ULK4: variants seen among roughly 807,000 people sequenced by gnomAD.
The protein encoded by ULK4 is unc-51 like kinase 4.
A neutral mutation model predicts 160.6 loss-of-function variants in ULK4; 133 were observed. That is an observed-to-expected ratio of 0.83 (90% CI 0.72 to 0.96). ULK4 has a LOEUF of 0.96. Among genes scored for constraint, ULK4 ranks in the 40% least tolerant of loss-of-function variants. The probability of loss-of-function intolerance (pLI) is 0.00; values close to 1 mark genes in which losing one functional copy is unlikely to be tolerated. For synonymous variants in ULK4, 534 were observed against 539.8 expected, an observed-to-expected ratio of 0.99 and a Z score of 0.15; for missense variants, 1,580 against 1,499.5, an observed-to-expected ratio of 1.05 and a Z score of -0.89.
intron 35 of ULK4, among the ~76,000 whole-genome samples, chr3:41,360,610 T>C (rs747905329): frequency 6.6e-6 from 1 of 152,178 alleles, no homozygotes; most frequent in African/African-American, 2.4e-5. Flanking sequence ...ATCAAGTCCT[T>C]TGCAGGGACA....
intron 32 of ULK4, among the ~76,000 whole-genome samples, chr3:41,558,390 G>C (rs962019200): frequency 1.3e-5 from 2 of 152,042 alleles, no homozygotes; most frequent in African/African-American, 4.8e-5. Context: ...TACCAGCATT[G>C]AAATATAATG....
At chr3:41,917,776 T>C (rs1699019384) in intron 7 of ULK4, among the ~76,000 whole-genome samples, 2 of 151,960 alleles carry the variant, frequency 1.3e-5, no homozygotes. Context: ...CATCAGGAGT[T>C]TGAGACCAGC....
chr3:41,951,067 C>A (rs1700276741), intron 2 of ULK4, among the ~76,000 whole-genome samples: 1 of 149,666 alleles, frequency 6.7e-6, no homozygotes, highest in African/African-American at 2.5e-5. Flanking sequence ...TGGCGTGAAC[C>A]CCGGGAGGCG....
chr3:41,656,153 C>G (rs1575535699), intron 30 of ULK4, among the ~76,000 whole-genome samples: 2 of 151,904 alleles, frequency 1.3e-5, no homozygotes, highest in African/African-American at 4.8e-5. Flanking sequence ...ATGGGATTAC[C>G]TCCTCTAGGA....
chr3:41,873,693 A>G (rs1697199004), intron 17 of ULK4, among the ~76,000 whole-genome samples: 1 of 152,104 alleles, frequency 6.6e-6, no homozygotes, highest in African/African-American at 2.4e-5. Context: ...AACTGAGATT[A>G]CAGGCATGCA....
At chr3:41,272,988 T>A (rs999893580) in intron 35 of ULK4, among the ~76,000 whole-genome samples, 6 of 152,236 alleles carry the variant, frequency 3.9e-5, no homozygotes, top group African/African-American at 1.4e-4. Flanking sequence ...GAGTTGTAAC[T>A]TTTAACATCC....
chr3:41,819,627 A>G (rs2041080576), intron 18 of ULK4, 121 bp from the exon 19 acceptor site: 3 of 744,520 alleles, frequency 4.0e-6, no homozygotes, highest in Non-Finnish European at 6.4e-6. Context: ...GTCTATTTAA[A>G]GTATTACTTA....
At chr3:41,825,516 C>T (rs56290142) in intron 18 of ULK4, among the ~76,000 whole-genome samples, 17 of 152,224 alleles carry the variant, frequency 1.1e-4, no homozygotes, top group South Asian at 4.1e-4. Flanking sequence ...GTGACAAAGG[C>T]GCAAGCCTCG....
intron 32 of ULK4, among the ~76,000 whole-genome samples, chr3:41,474,259 C>G (rs181296189): frequency 1.1e-4 from 16 of 152,062 alleles, no homozygotes; most frequent in Non-Finnish European, 2.4e-4. Context: ...AATAGGGAAA[C>G]GACTGTCTCT....
At chr3:41,293,896 A>G (rs1219420911) in intron 35 of ULK4, among the ~76,000 whole-genome samples, 1 of 152,228 alleles carries the variant, frequency 6.6e-6, no homozygotes, top group African/African-American at 2.4e-5. Context: ...GTCTTGAAGG[A>G]TTAGAGGCAG....
chr3:41,949,922 G>T (rs1700233285), intron 2 of ULK4, among the ~76,000 whole-genome samples: 1 of 151,024 alleles, frequency 6.6e-6, no homozygotes, highest in African/African-American at 2.4e-5. Flanking sequence ...TTTTTCTAGA[G>T]ACAAGGTTTC....
chr3:41,557,603 C>CA (rs202007149), intron 32 of ULK4, among the ~76,000 whole-genome samples: 61,725 of 143,028 alleles, frequency 0.43, 14,124 homozygotes, highest in Middle Eastern at 0.55. Context: ...CTGTCTCCAC[C>CA]AAAAAAAAAA....
chr3:41,333,779 C>A (rs1417656189), intron 35 of ULK4, among the ~76,000 whole-genome samples: 3 of 152,076 alleles, frequency 2.0e-5, no homozygotes, highest in Non-Finnish European at 2.9e-5. Flanking sequence ...TTTGGCAGCA[C>A]ATCAGAATCG....
chr3:41,832,098 G>C (rs1339839119), intron 18 of ULK4, among the ~76,000 whole-genome samples: 1 of 152,044 alleles, frequency 6.6e-6, no homozygotes, highest in Non-Finnish European at 1.5e-5. Flanking sequence ...TGGTATTTCT[G>C]GTTCTAGATC....
At chr3:41,890,820 AG>A (rs1239447961) in intron 16 of ULK4, among the ~76,000 whole-genome samples, 2 of 4,154 alleles carry the variant, frequency 4.8e-4, no homozygotes, top group Non-Finnish European at 9.8e-4. Context: ...AAGGGATGGG[AG>A]GGGGGAAGGA....
At chr3:41,492,338 A>C (rs2089250764) in intron 32 of ULK4, among the ~76,000 whole-genome samples, 1 of 152,148 alleles carries the variant, frequency 6.6e-6, no homozygotes, top group African/African-American at 2.4e-5. Flanking sequence ...ACTAGTTTAC[A>C]GTCCCGCCAA....
At chr3:41,592,990 C>CA (rs2031458011) in intron 31 of ULK4, among the ~76,000 whole-genome samples, 1 of 152,196 alleles carries the variant, frequency 6.6e-6, no homozygotes, top group Non-Finnish European at 1.5e-5. Context: ...AGCTCACCTT[C>CA]ACCAAGTTCC....
At chr3:41,506,695 C>G (rs2085382248) in intron 32 of ULK4, among the ~76,000 whole-genome samples, 1 of 140,766 alleles carries the variant, frequency 7.1e-6, no homozygotes. Context: ...TTCTTGTCCT[C>G]TATTTCTTAA....
chr3:41,394,557 G>A (rs964081400), intron 35 of ULK4, among the ~76,000 whole-genome samples: 2 of 152,044 alleles, frequency 1.3e-5, no homozygotes, highest in African/African-American at 2.4e-5. Flanking sequence ...AATATCTCAC[G>A]TAATTTATTG....
Sources: gnomAD v4.1 joint callset for allele counts (sites outside exome capture counted in the v4.1 genomes callset) on GRCh38, gnomAD v4.1.1 for gene constraint, MANE v1.5 for transcripts, NCBI Gene and HGNC (gene_info 2026-07-23, HGNC 2026-07-21) for gene names.